The following HIPK2 variants were observed in gnomAD, a reference collection of about 807,000 sequenced individuals.
HIPK2 encodes the protein homeodomain-interacting protein kinase 2.
Under a neutral mutation model 113.7 loss-of-function variants are expected in HIPK2, and 27 were observed. The observed-to-expected ratio is 0.24, with a 90% confidence interval of 0.17 to 0.33. The LOEUF is 0.33. Ranked by LOEUF, HIPK2 falls within the 10% of genes least tolerant of loss-of-function variation. HIPK2 has a pLI of 1.00. For synonymous variants in HIPK2, 631 were observed against 642.2 expected, an observed-to-expected ratio of 0.98 and a Z score of 0.26; for missense variants, 1,257 against 1,588.0, an observed-to-expected ratio of 0.79 and a Z score of 3.54.
rs1798027470 is a variant in HIPK2, at chr7:139,564,204, A to C, written c.*8723T>G. Reference sequence around the variant, plus strand: ...TACATTGATTTTGCTTTTAAGGGGAAAACGAATAAATGACAGCAGATATAT... The same window carrying C: ...TACATTGATTTTGCTTTTAAGGGGACAACGAATAAATGACAGCAGATATAT... On this transcript the variant is annotated 3_prime_UTR_variant, in exon 15 of 15. Transcript: ENST00000406875. The C allele has an allele frequency of 2.8e-6, 1 of 354,822 alleles. No homozygotes were observed. The highest frequency in any genetic ancestry group is 5.0e-6 in the Non-Finnish European group (1 of 199,530). The allele number at this position is 354,822 out of a possible 1,614,324, so 22.0% of individuals were successfully genotyped here.
chr7:139,633,095 C>CAAAAAAAAAAA (rs942820284), intron 2 of HIPK2, among the ~76,000 whole-genome samples: 28 of 74,616 alleles, frequency 3.8e-4, no homozygotes, highest in African/African-American at 9.0e-4. Flanking sequence ...GACCCTGTCT[C>CAAAAAAAAAAA]AAAAAAAAAA....
At position 139,572,695 on chromosome 7, in the gene HIPK2, C is replaced by T. The variant is rs1001131722; in HGVS notation, c.*232G>A. The T allele has an allele frequency of 5.0e-5, 22 of 436,670 alleles. No individual in the cohort carries two copies. The highest frequency in any genetic ancestry group is 3.8e-4 in the African/African-American group (18 of 47,660). 27.0% of individuals were successfully genotyped at this position (436,670 alleles called of 1,614,324 possible). A position where few individuals can be genotyped will look rare whatever the true frequency, so the allele number is the denominator to read the frequency against. Reference sequence around the variant, plus strand: ...CCCTTCCTTTTAAAAATGTTCTCTTCTCTGCTCTACGTCCTCCCACTTCCC... The same window carrying T: ...CCCTTCCTTTTAAAAATGTTCTCTTTTCTGCTCTACGTCCTCCCACTTCCC... On this transcript the variant is annotated 3_prime_UTR_variant, in exon 15 of 15. Transcript: ENST00000406875.
intron 2 of HIPK2, among the ~76,000 whole-genome samples, chr7:139,687,802 C>T (rs181608768): frequency 6.6e-6 from 1 of 152,314 alleles, no homozygotes; most frequent in Non-Finnish European, 1.5e-5. Flanking sequence ...ACAATTCTGG[C>T]TGAAACAGCT....
Position 139,614,268 on chromosome 7 carries a change from G to GT in HIPK2, c.1990+17dup. 6.9e-7 allele frequency: 1 copy of GT among 1,443,750 alleles called. No individual in the cohort carries two copies. The highest frequency in any genetic ancestry group is 9.2e-7 in the Non-Finnish European group (1 of 1,083,006). 89.4% of individuals were successfully genotyped at this position (1,443,750 alleles called of 1,614,324 possible). A position where few individuals can be genotyped will look rare whatever the true frequency, so the allele number is the denominator to read the frequency against. ...TTCTGTAAGAAGCAGGTGAGAGGCTGTGGCTGCTCAATCTTACCTTGGAAG... is the reference window on the plus strand; with the variant it reads ...TTCTGTAAGAAGCAGGTGAGAGGCTGTTGGCTGCTCAATCTTACCTTGGAAG... On this transcript the variant is annotated intron_variant, in intron 8 of 14. Coordinates refer to ENST00000406875, the MANE Select transcript of HIPK2 (RefSeq NM_022740.5).
At chr7:139,692,620 T>C (rs561291679) in intron 2 of HIPK2, among the ~76,000 whole-genome samples, 1 of 152,360 alleles carries the variant, frequency 6.6e-6, no homozygotes, top group South Asian at 2.1e-4. Flanking sequence ...GCATTGTTAC[T>C]ATCTCCCAAT....
chr7:139,744,820 C>T (rs1178985209), intron 1 of HIPK2, among the ~76,000 whole-genome samples: 1 of 152,186 alleles, frequency 6.6e-6, no homozygotes, highest in Non-Finnish European at 1.5e-5. Context: ...CCACGCTGCT[C>T]CCTGCCAAGA....
At chr7:139,712,283 G>C (rs1795095395) in intron 2 of HIPK2, among the ~76,000 whole-genome samples, 1 of 152,244 alleles carries the variant, frequency 6.6e-6, no homozygotes, top group African/African-American at 2.4e-5. Context: ...AAAACAGTTG[G>C]CTCCGGGGAC....
chr7:139,701,486 A>G (rs1015012939), intron 2 of HIPK2, among the ~76,000 whole-genome samples: 5 of 152,118 alleles, frequency 3.3e-5, no homozygotes, highest in Non-Finnish European at 5.9e-5. Context: ...TGGCAAAGTC[A>G]TGTCGGAGAG....
intron 1 of HIPK2, among the ~76,000 whole-genome samples, chr7:139,770,315 C>T (rs75974323): frequency 2.6e-5 from 4 of 152,192 alleles, no homozygotes; most frequent in Non-Finnish European, 4.4e-5. Flanking sequence ...CTCACAACCT[C>T]GGCATTATAA....
intron 1 of HIPK2, among the ~76,000 whole-genome samples, chr7:139,740,331 C>T (rs1490929770): frequency 6.6e-6 from 1 of 152,230 alleles, no homozygotes; most frequent in Non-Finnish European, 1.5e-5. Context: ...CCTGGTATCG[C>T]CCCGGAGAAA....
In HIPK2 at chr7:139,571,667, A is replaced by AAAAAG. The variant is rs992526254; in HGVS notation, c.*1259_*1260insCTTTT. The AAAAAG allele has an allele frequency of 6.8e-6, 1 of 147,076 alleles. No homozygotes were observed. Among genetic ancestry groups the AAAAAG allele is most frequent in the Non-Finnish European group, 1.5e-5 (1 of 65,514 alleles). The allele number at this position is 147,076 out of a possible 1,614,324, so 9.1% of individuals were successfully genotyped here. ...ACATTTTAAAAAGAAAAAGAAAAAG[A>AAAAAG]AAAAAAAAAGGCCAGCGTAAACTGT... On this transcript the variant is annotated 3_prime_UTR_variant, in exon 15 of 15. Transcript: ENST00000406875.
At position 139,662,534 on chromosome 7, in the gene HIPK2, G is replaced by A. The variant is rs952144731; in HGVS notation, c.1104-30809C>T. ...CACATTCAGGTTGAGTTTACCACTC[G>A]GGCCATATACCAGGGGTGTACAAGC... On this transcript the variant is annotated intron_variant, in intron 2 of 14. Coordinates refer to ENST00000406875, the MANE Select transcript of HIPK2 (RefSeq NM_022740.5). 5.3e-5 allele frequency among the ~76,000 whole-genome samples: 8 copies of A among 152,080 alleles called. No individual in the cohort carries two copies. The East Asian group carries it at 9.7e-4, about 18-fold the overall frequency.
At chr7:139,757,365 T>C (rs1168525855) in intron 1 of HIPK2, among the ~76,000 whole-genome samples, 1 of 152,194 alleles carries the variant, frequency 6.6e-6, no homozygotes. Flanking sequence ...AATCCAAGCA[T>C]TCATTCAATA....
Position 139,631,359 on chromosome 7 carries a change from C to A in HIPK2, c.1228-75G>T. ...TATGGTATACTAATGGCTCTGCTGGCTTTGAGAAAAATGAAAATGACAATT... is the reference window on the plus strand; with the variant it reads ...TATGGTATACTAATGGCTCTGCTGGATTTGAGAAAAATGAAAATGACAATT... On this transcript the variant is annotated intron_variant, in intron 3 of 14. Transcript: ENST00000406875. The surrounding 1 kb of genome is among the most constrained non-coding windows in gnomAD (Gnocchi z 4.9). The A allele has an allele frequency of 1.3e-6, 2 of 1,495,506 alleles. No homozygotes were observed. Among genetic ancestry groups the A allele is most frequent in the Non-Finnish European group, 1.8e-6 (2 of 1,120,884 alleles). The allele number at this position is 1,495,506 out of a possible 1,614,324, so 92.6% of individuals were successfully genotyped here.
At chr7:139,713,139 A>T (rs918025470) in intron 2 of HIPK2, among the ~76,000 whole-genome samples, 1 of 152,166 alleles carries the variant, frequency 6.6e-6, no homozygotes, top group Non-Finnish European at 1.5e-5. Context: ...CACAGGGGCC[A>T]GATGTGACTG....
intron 2 of HIPK2, among the ~76,000 whole-genome samples, chr7:139,637,498 C>T (rs548873532): frequency 7.2e-5 from 11 of 152,336 alleles, no homozygotes; most frequent in Admixed American, 3.3e-4. Flanking sequence ...GCTCTCCCTG[C>T]TGGCTGTCAC....
intron 2 of HIPK2, among the ~76,000 whole-genome samples, chr7:139,649,659 T>C (rs1055751169): frequency 6.6e-6 from 1 of 152,108 alleles, no homozygotes; most frequent in African/African-American, 2.4e-5. Context: ...CCTCCCTGTC[T>C]GTGCCTCTGA....
intron 2 of HIPK2, among the ~76,000 whole-genome samples, chr7:139,694,057 T>C (rs1794494233): frequency 6.6e-6 from 1 of 152,206 alleles, no homozygotes; most frequent in Non-Finnish European, 1.5e-5. Flanking sequence ...ATATACTTTT[T>C]TTCCTATTCA....
intron 9 of HIPK2, among the ~76,000 whole-genome samples, chr7:139,611,274 AC>A (rs1214570789): frequency 6.6e-6 from 1 of 152,212 alleles, no homozygotes; most frequent in African/African-American, 2.4e-5. Context: ...GCCATTTTTC[AC>A]CTATGAACAT....
Sources: gnomAD v4.1 joint callset for allele counts (sites outside exome capture counted in the v4.1 genomes callset) on GRCh38, gnomAD v4.1.1 for gene constraint, Gnocchi (gnomAD v3.1) non-coding constraint, MANE v1.5 for transcripts, NCBI Gene and HGNC (gene_info 2026-07-23, HGNC 2026-07-21) for gene names.